JPH3: variants seen among roughly 807,000 people sequenced by gnomAD.
The protein encoded by JPH3 is junctophilin-3.
A neutral mutation model predicts 59.6 loss-of-function variants in JPH3; 11 were observed. The ratio of observed to expected loss-of-function variants is 0.18; its 90% confidence interval spans 0.12 to 0.31. The LOEUF is 0.31. Among genes scored for constraint, JPH3 ranks in the 10% least tolerant of loss-of-function variants. The pLI, the probability that JPH3 is intolerant of heterozygous loss-of-function variation, is 1.00. For missense variants in JPH3, 1,202 were observed against 1,105.7 expected, an observed-to-expected ratio of 1.09 and a Z score of -1.24; for synonymous variants, 673 against 483.6, an observed-to-expected ratio of 1.39 and a Z score of -5.14.
At chr16:87,617,571 C>T (rs1301791558) in intron 1 of JPH3, among the ~76,000 whole-genome samples, 1 of 145,242 alleles carries the variant, frequency 6.9e-6, no homozygotes, top group Non-Finnish European at 1.5e-5. Context: ...GGAGGGATGC[C>T]ACCTCTAGGG....
chr16:87,691,414 T>C (rs1288613742), intron 4 of JPH3, among the ~76,000 whole-genome samples: 2 of 152,178 alleles, frequency 1.3e-5, no homozygotes, highest in Admixed American at 6.5e-5. Flanking sequence ...TGCGTGGTGC[T>C]GAACAGAAGT....
At chr16:87,665,725 C>T (rs1247115529) in intron 2 of JPH3, among the ~76,000 whole-genome samples, 4 of 152,250 alleles carry the variant, frequency 2.6e-5, no homozygotes, top group African/African-American at 9.6e-5. Flanking sequence ...GCCCCCTCTT[C>T]CTCCCGGCTG....
chr16:87,653,847 C>G (rs959249677), intron 2 of JPH3: 4 of 152,224 alleles, frequency 2.6e-5, no homozygotes, highest in Admixed American at 6.5e-5. Flanking sequence ...GGGACAGAGG[C>G]CTGCTGTCTA....
rs141960450 is a variant in JPH3 at position 87,613,445 on chromosome 16, C to T, written c.382+9917C>T. On this transcript the variant is annotated intron_variant, in intron 1 of 4. Transcript: ENST00000284262. ...AAGCCATTCTCCTGCCTCTGCCTCC[C>T]GAGTAGCTGGGATTACAGGTGCCCA... 2.2e-3 allele frequency among the ~76,000 whole-genome samples: 329 copies of T among 152,044 alleles called. 2 individuals carry two copies. The highest frequency in any genetic ancestry group is 7.3e-3 in the African/African-American group (303 of 41,448).
chr16:87,696,091 C>T (rs1296108511), intron 4 of JPH3: 2 of 457,124 alleles, frequency 4.4e-6, no homozygotes, highest in Non-Finnish European at 4.4e-6. Context: ...ACACTGTGCT[C>T]ACGGACTTTG....
chr16:87,661,304 G>A (rs185950004), intron 2 of JPH3, among the ~76,000 whole-genome samples: 1 of 152,206 alleles, frequency 6.6e-6, no homozygotes, highest in Admixed American at 6.5e-5. Flanking sequence ...CCTTAACTCA[G>A]TCATATCTGC....
Position 87,637,478 on chromosome 16 carries a change from C to T in JPH3, c.383-6780C>T, listed in dbSNP as rs186555094. Among the ~76,000 whole-genome samples the T allele has an allele frequency of 3.8e-3, 577 of 151,968 alleles. 3 individuals carry two copies. Among genetic ancestry groups the T allele is most frequent in the South Asian group, 0.026 (123 of 4,810 alleles). On this transcript the variant is annotated intron_variant, in intron 1 of 4. Coordinates refer to ENST00000284262, the MANE Select transcript of JPH3 (RefSeq NM_020655.4). ...AGGCTTGTGGTACGGGGTCTGTTCT[C>T]ATTTTGCGCCGGTGTTGGGCCTGAA...
intron 1 of JPH3, among the ~76,000 whole-genome samples, chr16:87,641,220 A>T (rs948510286): frequency 6.6e-6 from 1 of 152,046 alleles, no homozygotes; most frequent in African/African-American, 2.4e-5. Context: ...GTCCACATAC[A>T]TCCCTGCTTG....
At chr16:87,664,109 A>G (rs931287470) in intron 2 of JPH3, among the ~76,000 whole-genome samples, 9 of 152,034 alleles carry the variant, frequency 5.9e-5, no homozygotes, top group African/African-American at 2.2e-4. Context: ...AGGCGGGTGG[A>G]TCACGAGGTC....
chr16:87,668,220 G>C (rs8044789), intron 2 of JPH3, among the ~76,000 whole-genome samples: 1 of 152,182 alleles, frequency 6.6e-6, no homozygotes, highest in South Asian at 2.1e-4. Flanking sequence ...CCAGCCCTGC[G>C]CGGCTGCTGG....
At chr16:87,664,998 G>A (rs1332348231) in intron 2 of JPH3, among the ~76,000 whole-genome samples, 4 of 152,246 alleles carry the variant, frequency 2.6e-5, no homozygotes, top group South Asian at 2.1e-4. Context: ...AGCAGGAGGC[G>A]TCTCCACCAT....
chr16:87,685,707 A>G (rs1597290389), intron 3 of JPH3, among the ~76,000 whole-genome samples: 1 of 152,074 alleles, frequency 6.6e-6, no homozygotes, highest in Admixed American at 6.5e-5. Flanking sequence ...CCACGTACCA[A>G]CCCTGGCCCA....
chr16:87,613,941 C>A (rs1314485141), intron 1 of JPH3, among the ~76,000 whole-genome samples: 2 of 152,186 alleles, frequency 1.3e-5, no homozygotes, highest in East Asian at 1.9e-4. Flanking sequence ...AAACTTGTTT[C>A]TGGCCGCAGA....
Position 87,603,468 on chromosome 16 carries a change from G to A in JPH3, c.322G>A (p.Glu108Lys). ...GTGCGCGGGCAACGGGGCCAAATACGAAGGGACCTGGAGCAACGGGCTGCA... is the reference window on the plus strand; with the variant it reads ...GTGCGCGGGCAACGGGGCCAAATACAAAGGGACCTGGAGCAACGGGCTGCA... ...RECAGNGAKY[E>K]GTWSNGLQDG... The change falls in exon 1 of 5, where the codon GAA (glutamate) becomes AAA (lysine). Residue 108 changes from glutamate to lysine, a missense_variant. By Grantham distance (56) the Glu-to-Lys change is moderately conservative. Transcript: ENST00000284262. 6.4e-7 allele frequency: 1 copy of A among 1,559,270 alleles called. No homozygotes were observed. Among genetic ancestry groups the A allele is most frequent in the Non-Finnish European group, 8.7e-7 (1 of 1,152,326 alleles).
chr16:87,695,326 G>C (rs1447671922), intron 4 of JPH3: 1 of 455,986 alleles, frequency 2.2e-6, no homozygotes, highest in Non-Finnish European at 4.4e-6. Context: ...TGGAAAACCA[G>C]TCTGTTAACA....
intron 2 of JPH3, among the ~76,000 whole-genome samples, chr16:87,651,017 G>A (rs1042275507): frequency 1.3e-5 from 2 of 152,250 alleles, no homozygotes; most frequent in African/African-American, 4.8e-5. Context: ...TTGAAGGACA[G>A]GCTGACTCTC....
At chr16:87,667,364 T>C (rs1478373476) in intron 2 of JPH3, among the ~76,000 whole-genome samples, 2 of 152,212 alleles carry the variant, frequency 1.3e-5, no homozygotes, top group Non-Finnish European at 2.9e-5. Flanking sequence ...GGGCCACCAT[T>C]CAGCTGACTG....
At chr16:87,660,176 A>G (rs918947339) in intron 2 of JPH3, among the ~76,000 whole-genome samples, 1 of 152,176 alleles carries the variant, frequency 6.6e-6, no homozygotes, top group Admixed American at 6.5e-5. Context: ...GTGCACAGGG[A>G]CTAGCTGTGC....
At chr16:87,661,969 C>T (rs1229803860) in intron 2 of JPH3, among the ~76,000 whole-genome samples, 1 of 152,256 alleles carries the variant, frequency 6.6e-6, no homozygotes, top group Non-Finnish European at 1.5e-5. Flanking sequence ...TTTACGCTCA[C>T]AGATTCGTCC....
Sources: allele counts gnomAD v4.1 joint callset (sites outside exome capture counted in the v4.1 genomes callset), GRCh38; gene constraint gnomAD v4.1.1; transcripts MANE v1.5; gene names NCBI Gene and HGNC (gene_info 2026-07-23, HGNC 2026-07-21).